The following ZNF37A variants were observed in gnomAD, a reference collection of about 807,000 sequenced individuals.
ZNF37A encodes zinc finger protein 37a (KOX 21).
In ZNF37A, 10 loss-of-function variants were observed where a neutral mutation model predicts 12.3. The ratio of observed to expected loss-of-function variants is 0.82; its 90% CI spans 0.50 to 1.38. ZNF37A has a LOEUF of 1.38. ZNF37A is among the 40% of genes most tolerant of loss of function. ZNF37A has a pLI of 0.00. For missense variants in ZNF37A, 580 were observed against 651.2 expected (o/e 0.89, Z 1.19); for synonymous variants, 207 against 223.0 (o/e 0.93, Z 0.64).
In ZNF37A at chr10:38,119,047, C is replaced by T; in HGVS notation, c.*210C>T. 2.4e-6 allele frequency: 3 copies of T among 1,252,346 alleles called. No homozygotes were observed. Among genetic ancestry groups the T allele is most frequent in the Non-Finnish European group, 3.0e-6 (3 of 997,720 alleles). The allele number at this position is 1,252,346 out of a possible 1,614,324, so 77.6% of individuals were successfully genotyped here. A position where few individuals can be genotyped will look rare whatever the true frequency, so the allele number is the denominator to read the frequency against. ...GTTACAAAACTAAAAGTGGAAAAAA[C>T]TTATTGGTGAATGAATATAGGAAAC... On this transcript the variant is annotated 3_prime_UTR_variant, in exon 8 of 8. Coordinates refer to ENST00000685332, the MANE Select transcript of ZNF37A (RefSeq NM_001324250.3).
intron 5 of ZNF37A, among the ~76,000 whole-genome samples, chr10:38,113,151 A>G (rs1157812597): frequency 3.4e-5 from 5 of 147,296 alleles, no homozygotes; most frequent in Non-Finnish European, 7.5e-5. Flanking sequence ...TTTTGTTTTC[A>G]TAGTTAGGCA....
chr10:38,108,154 C>G (rs927843489), intron 5 of ZNF37A, among the ~76,000 whole-genome samples: 1 of 152,152 alleles, frequency 6.6e-6, no homozygotes, highest in African/African-American at 2.4e-5. Flanking sequence ...AACAGTCTCT[C>G]GGGCCACAGT....
chr10:38,145,674 T>G (rs1472917182), intron 7 of ZNF37A, among the ~76,000 whole-genome samples: 1 of 152,224 alleles, frequency 6.6e-6, no homozygotes, highest in African/African-American at 2.4e-5. Flanking sequence ...CAGTTCATAT[T>G]GGCTGGGGGC....
intron 7 of ZNF37A, among the ~76,000 whole-genome samples, chr10:38,135,516 A>C (rs7913645): frequency 0.13 from 19,816 of 152,302 alleles, 1,409 homozygotes; most frequent in Non-Finnish European, 0.16. Flanking sequence ...TTGTCTTTTA[A>C]ATTCTATAGA....
chr10:38,124,540 A>G lies in ZNF37A; in HGVS notation c.*5703A>G, dbSNP rs2069887689. On this transcript the variant is annotated 3_prime_UTR_variant, in exon 8 of 8. Transcript: ENST00000685332. ...TTATTAGACATTGCATGCCTATATC[A>G]AAATATATCATGTACCCCATAGATA... The G allele has an allele frequency of 6.6e-6, 1 of 152,212 alleles. No homozygotes were observed. The highest frequency in any genetic ancestry group is 2.4e-5 in the African/African-American group (1 of 41,442). The allele number at this position is 152,212 out of a possible 1,614,324, so 9.4% of individuals were successfully genotyped here.
At chr10:38,115,117 ACT>A in intron 6 of ZNF37A, 76 bp from the exon 7 acceptor site, 14 of 626,734 alleles carry the variant, frequency 2.2e-5, no homozygotes, top group Non-Finnish European at 2.8e-5. Flanking sequence ...GTGTGTGTGT[ACT>A]GTTTGGGGTA....
chr10:38,115,120 GT>G, intron 6 of ZNF37A, 74 bp from the exon 7 acceptor site: 5 of 965,014 alleles, frequency 5.2e-6, no homozygotes, highest in Non-Finnish European at 7.5e-6. Flanking sequence ...TGTGTGTACT[GT>G]TTGGGGTATA....
chr10:38,107,020 C>T (rs546627652), intron 5 of ZNF37A, among the ~76,000 whole-genome samples: 2 of 152,052 alleles, frequency 1.3e-5, no homozygotes, highest in Non-Finnish European at 2.9e-5. Context: ...CAAAGATACT[C>T]GTAAAGAAGA....
intron 5 of ZNF37A, among the ~76,000 whole-genome samples, chr10:38,102,522 A>G (rs1163816327): frequency 2.0e-5 from 3 of 152,218 alleles, no homozygotes; most frequent in African/African-American, 7.2e-5. Flanking sequence ...CACATTACAT[A>G]GATGCATAAT....
chr10:38,136,055 CT>C (rs1005274233), intron 7 of ZNF37A, among the ~76,000 whole-genome samples: 2 of 152,138 alleles, frequency 1.3e-5, no homozygotes, highest in African/African-American at 4.8e-5. Context: ...GCTTTAAAAA[CT>C]TTTTTTGAGA....
intron 5 of ZNF37A, among the ~76,000 whole-genome samples, chr10:38,112,244 A>G (rs1417352829): frequency 1.3e-5 from 2 of 151,912 alleles, no homozygotes; most frequent in Non-Finnish European, 2.9e-5. Context: ...TTAGAACTTC[A>G]TCTTAGTCTT....
intron 5 of ZNF37A, among the ~76,000 whole-genome samples, chr10:38,109,993 TTTAAA>T (rs1454287240): frequency 6.6e-6 from 1 of 152,210 alleles, no homozygotes; most frequent in Non-Finnish European, 1.5e-5. Flanking sequence ...AAAAAACTAC[TTTAAA>T]TTTTATATGG....
intron 7 of ZNF37A, chr10:38,140,211 A>C (rs1202159126): frequency 6.6e-6 from 1 of 152,234 alleles, no homozygotes; most frequent in African/African-American, 2.4e-5. Context: ...GCAACCAACC[A>C]GGTTAATGTA....
At chr10:38,144,284 T>A (rs960877547) in intron 7 of ZNF37A, 5 of 152,042 alleles carry the variant, frequency 3.3e-5, no homozygotes, top group Admixed American at 2.6e-4. Context: ...AAAGAAAAGA[T>A]ACTAGAACTT....
intron 5 of ZNF37A, among the ~76,000 whole-genome samples, chr10:38,097,583 C>CGAAAA (rs2067249395): frequency 1.6e-5 from 1 of 61,928 alleles, no homozygotes; most frequent in Non-Finnish European, 3.5e-5. Context: ...GACTCTGTCT[C>CGAAAA]AAAAAAAAAA....
rs534564068 is a variant in ZNF37A, at chr10:38,123,721, C to G, written c.*4884C>G. On this transcript the variant is annotated 3_prime_UTR_variant, in exon 8 of 8. Coordinates refer to ENST00000685332, the MANE Select transcript of ZNF37A (RefSeq NM_001324250.3). Reference sequence around the variant, plus strand: ...CAAAAGAAGACATACAAATGGCAAACAGGCATATGAAAAGGTACTCAACAT... The same window carrying G: ...CAAAAGAAGACATACAAATGGCAAAGAGGCATATGAAAAGGTACTCAACAT... 2.2e-4 allele frequency: 33 copies of G among 152,240 alleles called. No homozygotes were observed. The highest frequency in any genetic ancestry group is 7.7e-4 in the African/African-American group (32 of 41,544). 9.4% of individuals were successfully genotyped at this position (152,240 alleles called of 1,614,324 possible).
At position 38,117,574 on chromosome 10, in the gene ZNF37A, T is replaced by G; in HGVS notation, c.423T>G (p.Asn141Lys). 1 of 1,613,324 alleles carries G rather than the reference T, an allele frequency of 6.2e-7. No individual in the cohort carries two copies. Among genetic ancestry groups the G allele is most frequent in the Non-Finnish European group, 8.5e-7 (1 of 1,179,824 alleles). ...TCATTTGGCATCAGAAAATTAAAAA[T>G]TGGGAACAATCTTTTGAATACAATG... is the stretch of plus-strand genomic sequence containing the variant. ...EDLIWHQKIK[N>K]WEQSFEYNEC... Residue 141 changes from asparagine (N) to lysine (K), a missense_variant, in exon 8 of 8, where the codon AAT becomes AAG. Coordinates refer to ENST00000685332, the MANE Select transcript of ZNF37A (RefSeq NM_001324250.3).
downstream of ZNF37A, among the ~76,000 whole-genome samples, chr10:38,128,965 G>T (rs1025318251): frequency 3.3e-5 from 5 of 152,014 alleles, no homozygotes; most frequent in African/African-American, 9.7e-5. Flanking sequence ...TGTTGGCCAG[G>T]CTGGTCTCGA....
At chr10:38,143,070 T>A (rs1040691568) in intron 7 of ZNF37A, 1 of 152,256 alleles carries the variant, frequency 6.6e-6, no homozygotes, top group Non-Finnish European at 1.5e-5. Context: ...AAGGTTGCTG[T>A]GTCCTTCCTT....
Sources: allele counts gnomAD v4.1 joint callset (sites outside exome capture counted in the v4.1 genomes callset), GRCh38; gene constraint gnomAD v4.1.1; transcripts MANE v1.5; gene names NCBI Gene and HGNC (gene_info 2026-07-23, HGNC 2026-07-21).